IDO2: variants seen among roughly 807,000 people sequenced by gnomAD.
IDO2 encodes indoleamine 2,3-dioxygenase-like 1 protein.
In IDO2, 46 loss-of-function variants were observed where a neutral mutation model predicts 45.1. The observed-to-expected ratio is 1.02, with a 90% confidence interval of 0.80 to 1.30. The LOEUF (loss-of-function observed/expected upper bound fraction) is 1.30. IDO2 is among the 50% of genes most tolerant of loss of function. IDO2 has a pLI of 0.00. For missense variants in IDO2, 544 were observed against 491.8 expected (o/e 1.11, Z -1.00); for synonymous variants, 218 against 184.9 (o/e 1.18, Z -1.45).
At chr8:39,995,277 T>TTCTTCTTCTTCTTCTTCTTCTTCCTCC (rs1802023337) in intron 8 of IDO2, 1 of 127,684 alleles carries the variant, frequency 7.8e-6, no homozygotes. Flanking sequence ...CTTCTTCTTC[T>TTCTTCTTCTTCTTCTTCTTCTTCCTCC]TCTTCTTCTT....
At chr8:39,946,681 A>C (rs1488088464) in intron 1 of IDO2, among the ~76,000 whole-genome samples, 1 of 152,044 alleles carries the variant, frequency 6.6e-6, no homozygotes, top group African/African-American at 2.4e-5. Flanking sequence ...ATCATAATAA[A>C]ACTCCAGTCT....
chr8:39,988,692 C>T (rs868410257), intron 7 of IDO2, among the ~76,000 whole-genome samples: 13 of 152,156 alleles, frequency 8.5e-5, no homozygotes, highest in African/African-American at 2.7e-4. Flanking sequence ...GCTGGGATTA[C>T]AGGTGTGAGC....
chr8:39,958,839 A>C (rs952815200), intron 2 of IDO2, among the ~76,000 whole-genome samples: 4 of 152,226 alleles, frequency 2.6e-5, no homozygotes, highest in African/African-American at 7.2e-5. Flanking sequence ...TCAAGCATTA[A>C]TCTAACAAAG....
chr8:39,969,381 C>T (rs1270802988), intron 3 of IDO2, among the ~76,000 whole-genome samples: 1 of 152,072 alleles, frequency 6.6e-6, no homozygotes, highest in African/African-American at 2.4e-5. Context: ...TAAACTGTGC[C>T]CCTATAAGTC....
chr8:39,964,163 T>C (rs139096412), intron 3 of IDO2, among the ~76,000 whole-genome samples: 1,816 of 152,346 alleles, frequency 0.012, 33 homozygotes, highest in African/African-American at 0.04. Flanking sequence ...CCATGGGTTC[T>C]ACAAAACATC....
intron 1 of IDO2, among the ~76,000 whole-genome samples, chr8:39,940,184 G>A (rs11777082): frequency 0.42 from 64,138 of 152,054 alleles, 13,723 homozygotes; most frequent in East Asian, 0.59. Context: ...TTCTTACTGC[G>A]TGGTAAGTTT....
intron 2 of IDO2, among the ~76,000 whole-genome samples, chr8:39,952,998 C>T (rs1585398220): frequency 9.8e-6 from 1 of 102,308 alleles, no homozygotes; most frequent in Non-Finnish European, 2.2e-5. Flanking sequence ...AAACTCCCAA[C>T]CTCAGGTGAT....
chr8:40,013,590 G>A (rs757249817), exon 10 of IDO2: 1 of 1,613,724 alleles, frequency 6.2e-7, no homozygotes. Flanking sequence ...AGCAATGCCT[G>A]CAGGGCTGAT....
At chr8:39,949,919 T>A (rs1319425442) in intron 2 of IDO2, among the ~76,000 whole-genome samples, 1 of 152,214 alleles carries the variant, frequency 6.6e-6, no homozygotes, top group Non-Finnish European at 1.5e-5. Context: ...AAACAATACC[T>A]CTTTCTTAAT....
At chr8:39,978,024 T>C (rs28530515) in intron 3 of IDO2, among the ~76,000 whole-genome samples, 95,825 of 152,102 alleles carry the variant, frequency 0.63, 30,535 homozygotes, top group Middle Eastern at 0.73. Context: ...TATCAAACAC[T>C]AGCTCTTATT....
exon 7 of IDO2, chr8:39,987,927 T>A: frequency 6.2e-7 from 1 of 1,611,770 alleles, no homozygotes; most frequent in Non-Finnish European, 8.5e-7. Context: ...GGTTTTATAC[T>A]GGTGACTGCT....
intron 2 of IDO2, among the ~76,000 whole-genome samples, chr8:39,952,301 G>A (rs1331946592): frequency 2.6e-5 from 4 of 152,232 alleles, no homozygotes; most frequent in Non-Finnish European, 5.9e-5. Context: ...GCAAGCGTCA[G>A]AGTCGGGAGG....
chr8:39,990,800 G>A (rs1808487361), intron 8 of IDO2, among the ~76,000 whole-genome samples: 1 of 152,180 alleles, frequency 6.6e-6, no homozygotes, highest in Non-Finnish European at 1.5e-5. Flanking sequence ...GCTTAACACA[G>A]GCATGGTCAG....
chr8:40,013,637 C>T lies in IDO2; in HGVS notation c.792C>T (p.Ser264=), dbSNP rs371655582. 3.7e-4 allele frequency: 590 copies of T among 1,613,846 alleles called. 10 individuals are homozygous for T. The South Asian group carries it at 5.7e-3, about 16-fold the overall frequency. ...TTTCCCAAGAGCCCCTGAAATACTC[C>T]GGCGGGAGTGCAGCTCAGAGCACAG... The change falls in exon 10 of 11, where the codon TCC becomes TCT. Residue 264 remains serine, a synonymous_variant. Coordinates refer to ENST00000502986, the Ensembl canonical transcript of IDO2.
chr8:39,996,536 G>C (rs1802049204), intron 8 of IDO2, among the ~76,000 whole-genome samples: 1 of 151,932 alleles, frequency 6.6e-6, no homozygotes, highest in Non-Finnish European at 1.5e-5. Context: ...GGCCACTACT[G>C]GTCTCCGCAT....
intron 8 of IDO2, among the ~76,000 whole-genome samples, chr8:39,991,734 C>A (rs1801932832): frequency 6.6e-6 from 1 of 152,204 alleles, no homozygotes; most frequent in African/African-American, 2.4e-5. Flanking sequence ...CCATGCCCAG[C>A]TAATTTTTGT....
chr8:40,015,220 G>T, intron 10 of IDO2, 27 bp from the exon 11 acceptor site: 2 of 1,272,614 alleles, frequency 1.6e-6, no homozygotes, highest in South Asian at 2.6e-5. Context: ...GTGGAGCTAT[G>T]ACGTTATGCT....
At chr8:39,969,125 C>A (rs1171753452) in intron 3 of IDO2, among the ~76,000 whole-genome samples, 1 of 152,114 alleles carries the variant, frequency 6.6e-6, no homozygotes, top group African/African-American at 2.4e-5. Flanking sequence ...AACTGCTTTA[C>A]ATGTAGTCAT....
intron 2 of IDO2, among the ~76,000 whole-genome samples, chr8:39,950,569 T>C (rs1037899962): frequency 1.3e-5 from 2 of 152,166 alleles, no homozygotes; most frequent in Non-Finnish European, 2.9e-5. Context: ...GGACCTTTAC[T>C]TTCTGCAGAA....
Sources: allele counts gnomAD v4.1 joint callset (sites outside exome capture counted in the v4.1 genomes callset), GRCh38; gene constraint gnomAD v4.1.1; transcripts MANE v1.5; gene names NCBI Gene and HGNC (gene_info 2026-07-23, HGNC 2026-07-21).